CACNA1S: variants seen among roughly 807,000 people sequenced by gnomAD.
CACNA1S encodes calcium voltage-gated channel subunit alpha1 S, also known as voltage-dependent L-type calcium channel subunit alpha-1S.
Under a neutral mutation model 207.4 loss-of-function variants are expected in CACNA1S, and 126 were observed. The ratio of observed to expected loss-of-function variants is 0.61; its 90% CI spans 0.53 to 0.70. The LOEUF (loss-of-function observed/expected upper bound fraction) is 0.70. Ranked by LOEUF, CACNA1S falls within the 30% of genes least tolerant of loss-of-function variation. The pLI, the probability that CACNA1S is intolerant of heterozygous loss-of-function variation, is 0.00. For missense variants in CACNA1S, 2,349 were observed against 2,422.8 expected (o/e 0.97, Z 0.64); for synonymous variants, 960 against 932.7 (o/e 1.03, Z -0.53).
chr1:201,097,718 T>C (rs1430197973), intron 2 of CACNA1S, among the ~76,000 whole-genome samples: 1 of 152,108 alleles, frequency 6.6e-6, no homozygotes, highest in Admixed American at 6.5e-5. Context: ...GTAATAGCAT[T>C]TGGGCTTGGG....
intron 2 of CACNA1S, 101 bp downstream of exon 2, chr1:201,110,063 G>T (rs987973151): frequency 9.0e-6 from 10 of 1,105,126 alleles, no homozygotes; most frequent in South Asian, 1.3e-5. Context: ...TCAGGGAGTT[G>T]AACCACCGGC....
At chr1:201,056,080 C>CACACACACACACACACAT (rs1660832292) in intron 28 of CACNA1S, among the ~76,000 whole-genome samples, 1 of 141,646 alleles carries the variant, frequency 7.1e-6, no homozygotes. Context: ...GACACACACA[C>CACACACACACACACACAT]ACACACACAC....
chr1:201,068,996 C>A, intron 19 of CACNA1S, 141 bp downstream of exon 19: 1 of 756,574 alleles, frequency 1.3e-6, no homozygotes, highest in Non-Finnish European at 2.3e-6. Context: ...GTGGGCCTGC[C>A]GGTGTGCTGG....
At chr1:201,049,668 G>T (rs918241097) in intron 34 of CACNA1S, among the ~76,000 whole-genome samples, 3 of 152,146 alleles carry the variant, frequency 2.0e-5, no homozygotes. Flanking sequence ...TGATGGGCAG[G>T]CTGCGAAAAA....
chr1:201,086,783 T>C (rs1558077684), intron 7 of CACNA1S, among the ~76,000 whole-genome samples: 1 of 152,248 alleles, frequency 6.6e-6, no homozygotes, highest in East Asian at 1.9e-4. Context: ...AGGTTTTATA[T>C]CTATCATAAT....
In CACNA1S at chr1:201,053,425, C is replaced by T. The variant is rs201610999; in HGVS notation, c.3795+34G>A. On this transcript the variant is annotated intron_variant, in intron 30 of 43. Coordinates refer to ENST00000362061, the MANE Select transcript of CACNA1S (RefSeq NM_000069.3). This position sits in a 1 kb window ranked among gnomAD's most constrained non-coding sequence, Gnocchi z 5.1. ...AGGCAGATGTCCCTAGTGGCCTCCC[C>T]AGGTACGTGCAGTTTCCAGGGTCCC... is the stretch of plus-strand genomic sequence containing the variant. 6.2e-7 allele frequency: 1 copy of T among 1,614,128 alleles called. No individual in the cohort carries two copies. Among genetic ancestry groups the T allele is most frequent in the African/African-American group, 1.3e-5 (1 of 75,050 alleles).
Position 201,075,581 on chromosome 1 carries a change from T to C in CACNA1S, c.1862A>G (p.Tyr621Cys), listed in dbSNP as rs771222143. 7 of 1,614,120 alleles carry C rather than the reference T, an allele frequency of 4.3e-6. No homozygotes were observed. Among genetic ancestry groups the C allele is most frequent in the Admixed American group, 1.7e-5 (1 of 60,026 alleles). The change falls in exon 13 of 44, where the codon TAC (tyrosine) becomes TGC (cysteine). Residue 621 changes from tyrosine (Y) to cysteine (C), a missense_variant. Tyr to Cys is a radical substitution (Grantham distance 194). Transcript: ENST00000362061. ...CCCGCCGTAGGCCATGATCCCATTG[T>C]ACATCATTGAGGTCCAGTCTTCCCC... ...LTGEDWTSMM[Y>C]NGIMAYGGPS...
In CACNA1S at chr1:201,066,973, G is replaced by T; in HGVS notation, c.2571C>A (p.Phe857Leu). The part of the protein sequence containing the change: ...IVLKMTTYGA[F>L]LHKGSFCRNY... ...TGCGGCAGAAGGAACCCTTGTGCAG[G>T]AAGGCTCCGTAGGTCGTCATCTGGG... Residue 857 changes from phenylalanine (F) to leucine (L), a missense_variant, in exon 20 of 44, where the codon TTC (phenylalanine) becomes TTA (leucine). Physicochemically the swap from Phe to Leu is conservative, Grantham distance 22. Transcript: ENST00000362061. The surrounding 1 kb of genome is among the most constrained non-coding windows in gnomAD (Gnocchi z 4.3). 4 of 1,614,036 alleles carry T rather than the reference G, an allele frequency of 2.5e-6. No individual in the cohort carries two copies. Among genetic ancestry groups the T allele is most frequent in the Non-Finnish European group, 3.4e-6 (4 of 1,179,900 alleles).
In CACNA1S at chr1:201,112,155, AC is replaced by A. The variant is rs112984935; in HGVS notation, c.152+32del. 0.2 allele frequency: 274,482 copies of A among 1,403,788 alleles called. 24,408 individuals carry two copies. Among genetic ancestry groups the A allele is most frequent in the African/African-American group, 0.41 (28,477 of 70,070 alleles). 87.0% of individuals were successfully genotyped at this position (1,403,788 alleles called of 1,614,324 possible). On this transcript the variant is annotated intron_variant, in intron 1 of 43. Transcript: ENST00000362061. ...CCCGAATCCCTCCCTCATGACGCAC[AC>A]CCCCCCCCACGGCCCGGGCCCTGAA...
At chr1:201,094,937 G>A (rs1459658590) in intron 2 of CACNA1S, among the ~76,000 whole-genome samples, 1 of 151,988 alleles carries the variant, frequency 6.6e-6, no homozygotes, top group Admixed American at 6.6e-5. Flanking sequence ...TTCTAACTGA[G>A]GAAGCAAGTC....
chr1:201,076,026 C>T (rs1016205730), intron 12 of CACNA1S, among the ~76,000 whole-genome samples: 1 of 152,184 alleles, frequency 6.6e-6, no homozygotes, highest in African/African-American at 2.4e-5. Context: ...TGAGATTGTG[C>T]CACTACACTC....
chr1:201,099,113 C>G (rs1223954836), intron 2 of CACNA1S, among the ~76,000 whole-genome samples: 1 of 152,250 alleles, frequency 6.6e-6, no homozygotes, highest in Non-Finnish European at 1.5e-5. Flanking sequence ...GTCCTGAATA[C>G]TTCTCCTCCC....
chr1:201,052,087 C>T (rs1660673146), intron 32 of CACNA1S, among the ~76,000 whole-genome samples: 1 of 152,194 alleles, frequency 6.6e-6, no homozygotes, highest in African/African-American at 2.4e-5. Flanking sequence ...GGCCTGCAGC[C>T]CAGGATCCTC....
chr1:201,074,644 C>T lies in CACNA1S; in HGVS notation c.1949-24G>A, dbSNP rs1453656119. 2.6e-6 allele frequency: 4 copies of T among 1,514,294 alleles called. No individual in the cohort carries two copies. In the African/African-American group the frequency reaches 5.5e-5, roughly 21 times the overall value. 93.8% of individuals were successfully genotyped at this position (1,514,294 alleles called of 1,614,324 possible). A position where few individuals can be genotyped will look rare whatever the true frequency, so the allele number is the denominator to read the frequency against. ...GTCTGAGCGGGTTTAGCTAAGGAGC[C>T]TTTGGTTGTAGGTGGAAGGGAGCCT... On this transcript the variant is annotated intron_variant, in intron 13 of 43. Coordinates refer to ENST00000362061, the MANE Select transcript of CACNA1S (RefSeq NM_000069.3).
At position 201,109,179 on chromosome 1, in the gene CACNA1S, C is replaced by T. The variant is rs191889562; in HGVS notation, c.258+985G>A. On this transcript the variant is annotated intron_variant, in intron 2 of 43. Coordinates refer to ENST00000362061, the MANE Select transcript of CACNA1S (RefSeq NM_000069.3). ...AGGAGCATCACTTGAACCCAGGAGG[C>T]GGAGGTTGCAGTGAGCCGAGAGCCG... 2.4e-3 allele frequency among the ~76,000 whole-genome samples: 355 copies of T among 145,476 alleles called. 2 individuals carry two copies. Among genetic ancestry groups the T allele is most frequent in the African/African-American group, 8.4e-3 (326 of 38,790 alleles).
At chr1:201,063,367 G>A (rs1661138062) in intron 22 of CACNA1S, among the ~76,000 whole-genome samples, 1 of 150,268 alleles carries the variant, frequency 6.7e-6, no homozygotes. Context: ...TCGGCTCACT[G>A]CAATCTCCGC....
intron 34 of CACNA1S, 112 bp from the exon 35 acceptor site, chr1:201,049,211 C>T (rs1660572977): frequency 1.3e-6 from 1 of 743,932 alleles, no homozygotes; most frequent in Middle Eastern, 2.3e-4. Context: ...GGAGCATTTC[C>T]TTATTTTCCA....
chr1:201,055,972 G>A (rs1660825087), intron 28 of CACNA1S, among the ~76,000 whole-genome samples: 1 of 152,098 alleles, frequency 6.6e-6, no homozygotes. Flanking sequence ...GAGAAGTGCT[G>A]CTGTCAAACC....
At chr1:201,087,973 T>C in intron 6 of CACNA1S, 44 bp from the exon 7 acceptor site, 1 of 1,328,318 alleles carries the variant, frequency 7.5e-7, no homozygotes, top group Non-Finnish European at 1.1e-6. Context: ...AGGGCTTGGT[T>C]CCTCTTCCCC....
Sources: gnomAD v4.1 joint callset for allele counts (sites outside exome capture counted in the v4.1 genomes callset) on GRCh38, gnomAD v4.1.1 for gene constraint, Gnocchi (gnomAD v3.1) non-coding constraint, MANE v1.5 for transcripts, NCBI Gene and HGNC (gene_info 2026-07-23, HGNC 2026-07-21) for gene names.